Variants in POTEF observed in about 807,000 individuals in gnomAD.
POTEF encodes POTE ankyrin domain family member F, also known as ANKRD26-like family C member 1B.
POTEF carries 20 observed loss-of-function variants against 83.2 expected under a neutral mutation model. The ratio of observed to expected loss-of-function variants is 0.24; its 90% CI spans 0.17 to 0.35. The LOEUF (loss-of-function observed/expected upper bound fraction) is 0.35. Ranked by LOEUF, POTEF falls within the 10% of genes least tolerant of loss-of-function variation. POTEF has a pLI of 1.00. For synonymous variants in POTEF, 196 were observed against 446.4 expected, an observed-to-expected ratio of 0.44 and a Z score of 7.07; for missense variants, 550 against 1,203.2, an observed-to-expected ratio of 0.46 and a Z score of 8.03.
intron 3 of POTEF, among the ~76,000 whole-genome samples, chr2:130,116,342 C>G (rs1395431318): frequency 6.7e-6 from 1 of 149,948 alleles, no homozygotes; most frequent in Non-Finnish European, 1.5e-5. Context: ...ATTTGTGGAG[C>G]TTTTTTCAAC....
At chr2:130,101,083 G>C (rs1468974694) in intron 9 of POTEF, among the ~76,000 whole-genome samples, 1 of 123,004 alleles carries the variant, frequency 8.1e-6, no homozygotes, top group Non-Finnish European at 1.7e-5. Context: ...ATCAGCAGAT[G>C]ATTTGTAGTG....
intron 2 of POTEF, among the ~76,000 whole-genome samples, chr2:130,123,548 C>T (rs1573618988): frequency 6.6e-6 from 1 of 151,866 alleles, no homozygotes; most frequent in African/African-American, 2.4e-5. Context: ...TAAAAATAAT[C>T]CTAATTTCAT....
At chr2:130,102,993 T>C (rs1344185989) in intron 8 of POTEF, among the ~76,000 whole-genome samples, 2 of 151,386 alleles carry the variant, frequency 1.3e-5, no homozygotes, top group East Asian at 3.9e-4. Flanking sequence ...ACCTTACAAA[T>C]GATTTCAAAA....
At chr2:130,103,682 TTAAAA>T (rs1684435439) in intron 8 of POTEF, among the ~76,000 whole-genome samples, 1 of 150,876 alleles carries the variant, frequency 6.6e-6, no homozygotes, top group African/African-American at 2.5e-5. Context: ...TTAAAAAGAA[TTAAAA>T]TAAAGCATGT....
chr2:130,115,926 G>T (rs1364819330), intron 3 of POTEF, among the ~76,000 whole-genome samples: 2 of 151,992 alleles, frequency 1.3e-5, no homozygotes, highest in Non-Finnish European at 2.9e-5. Context: ...TACAATTCAT[G>T]ATTTACTATA....
At chr2:130,085,298 GA>G (rs1420420853) in intron 15 of POTEF, among the ~76,000 whole-genome samples, 17 of 143,308 alleles carry the variant, frequency 1.2e-4, no homozygotes, top group Admixed American at 1.2e-3. Flanking sequence ...ATTATCCTAA[GA>G]AAACTCATGC....
At chr2:130,117,588 A>G (rs1684874547) in intron 3 of POTEF, among the ~76,000 whole-genome samples, 1 of 151,988 alleles carries the variant, frequency 6.6e-6, no homozygotes, top group South Asian at 2.1e-4. Flanking sequence ...TGTTATAGCA[A>G]AGTACATCTT....
chr2:130,126,605 G>A (rs1685098598), intron 2 of POTEF, among the ~76,000 whole-genome samples: 3 of 152,100 alleles, frequency 2.0e-5, no homozygotes, highest in African/African-American at 4.8e-5. Context: ...GCAGTAGGAT[G>A]TAATTAACTC....
intron 8 of POTEF, among the ~76,000 whole-genome samples, chr2:130,104,279 G>A (rs995578671): frequency 5.5e-4 from 78 of 140,930 alleles, no homozygotes; most frequent in African/African-American, 2.1e-3. Flanking sequence ...TAATAATTGT[G>A]AATTCAGAGC....
intron 2 of POTEF, among the ~76,000 whole-genome samples, chr2:130,124,396 C>A (rs1685051629): frequency 9.4e-6 from 1 of 106,106 alleles, no homozygotes; most frequent in Admixed American, 1.2e-4. Flanking sequence ...CTTTATGAAT[C>A]ATAACACAAC....
intron 2 of POTEF, among the ~76,000 whole-genome samples, chr2:130,122,840 G>T (rs1685026751): frequency 6.6e-6 from 1 of 151,832 alleles, no homozygotes; most frequent in Non-Finnish European, 1.5e-5. Context: ...ATAACAGTTT[G>T]TCATTGGTGT....
At chr2:130,123,749 A>C (rs1309457557) in intron 2 of POTEF, among the ~76,000 whole-genome samples, 3 of 149,792 alleles carry the variant, frequency 2.0e-5, no homozygotes. Context: ...GTCATTCCCT[A>C]CATTTGCTAA....
At chr2:130,119,298 G>A (rs1205658063) in intron 3 of POTEF, among the ~76,000 whole-genome samples, 2 of 151,306 alleles carry the variant, frequency 1.3e-5, no homozygotes, top group Admixed American at 1.3e-4. Context: ...TGAGTAGCCG[G>A]GACTACAGGC....
At chr2:130,127,155 A>G (rs1685111433) in intron 2 of POTEF, among the ~76,000 whole-genome samples, 1 of 151,328 alleles carries the variant, frequency 6.6e-6, no homozygotes, top group Non-Finnish European at 1.5e-5. Context: ...CCCCATCTCT[A>G]CTAAAAATAC....
chr2:130,101,487 C>T (rs1221413279), intron 9 of POTEF, among the ~76,000 whole-genome samples: 6 of 148,860 alleles, frequency 4.0e-5, no homozygotes, highest in Non-Finnish European at 7.4e-5. Flanking sequence ...TAATAGGCAG[C>T]TGTGTTGCTT....
intron 3 of POTEF, among the ~76,000 whole-genome samples, chr2:130,115,926 G>C (rs1364819330): frequency 1.3e-5 from 2 of 151,992 alleles, no homozygotes; most frequent in Non-Finnish European, 2.9e-5. Context: ...TACAATTCAT[G>C]ATTTACTATA....
At chr2:130,125,666 C>G (rs1320857221) in intron 2 of POTEF, among the ~76,000 whole-genome samples, 1 of 152,008 alleles carries the variant, frequency 6.6e-6, no homozygotes, top group Non-Finnish European at 1.5e-5. Flanking sequence ...ATACACACAG[C>G]TGACCGAGGT....
intron 2 of POTEF, among the ~76,000 whole-genome samples, chr2:130,122,001 T>A (rs1356409925): frequency 6.6e-6 from 1 of 151,828 alleles, no homozygotes; most frequent in Non-Finnish European, 1.5e-5. Context: ...CAATCATCCA[T>A]CTATTACCTA....
At chr2:130,076,101 T>C (rs975399544) in intron 16 of POTEF, among the ~76,000 whole-genome samples, 21 of 93,384 alleles carry the variant, frequency 2.2e-4, no homozygotes, top group African/African-American at 8.7e-4. Context: ...TCTACATTTC[T>C]AATATTTCTA....
Sources: gnomAD v4.1 joint callset for allele counts (sites outside exome capture counted in the v4.1 genomes callset) on GRCh38, gnomAD v4.1.1 for gene constraint, MANE v1.5 for transcripts, NCBI Gene and HGNC (gene_info 2026-07-23, HGNC 2026-07-21) for gene names.